STARD13: variants seen among roughly 807,000 people sequenced by gnomAD.
STARD13 encodes StAR related lipid transfer domain containing 13, also known as stAR-related lipid transfer protein 13.
Under a neutral mutation model 106.4 loss-of-function variants are expected in STARD13, and 62 were observed. The observed-to-expected ratio is 0.58, with a 90% CI of 0.48 to 0.72. STARD13 has a LOEUF of 0.72. STARD13 is among the 30% of genes least tolerant of loss of function. The probability of loss-of-function intolerance (pLI) is 0.00; values close to 1 mark genes in which losing one functional copy is unlikely to be tolerated. For synonymous variants in STARD13, 565 were observed against 553.0 expected (o/e 1.02, Z -0.31); for missense variants, 1,387 against 1,424.0 (o/e 0.97, Z 0.42).
the STARD13 span, among the ~76,000 whole-genome samples, chr13:33,412,589 A>G: frequency 9.8e-5 from 15 of 152,318 alleles, no homozygotes; most frequent in Non-Finnish European, 1.9e-4. Flanking sequence ...AGATACTTCA[A>G]ATATAACGAT....
the STARD13 span, among the ~76,000 whole-genome samples, chr13:33,609,081 G>C: frequency 2.3e-5 from 2 of 86,896 alleles, no homozygotes. Context: ...GCGAGACTCC[G>C]TCTCAAAAAA....
the STARD13 span, among the ~76,000 whole-genome samples, chr13:33,407,398 C>G: frequency 6.6e-6 from 1 of 152,174 alleles, no homozygotes; most frequent in East Asian, 1.9e-4. Flanking sequence ...GCTTCGGGTA[C>G]CACAAGGGTA....
chr13:33,173,992 A>C (rs963882062), intron 1 of STARD13, among the ~76,000 whole-genome samples: 2 of 152,200 alleles, frequency 1.3e-5, no homozygotes, highest in African/African-American at 2.4e-5. Context: ...TTCTACACAT[A>C]AGCCTTGTTT....
chr13:33,186,967 G>T (rs1885824425), intron 1 of STARD13, among the ~76,000 whole-genome samples: 1 of 152,174 alleles, frequency 6.6e-6, no homozygotes, highest in South Asian at 2.1e-4. Flanking sequence ...TTGTGTAGGA[G>T]AGTGGAGGAG....
exon 2 of STARD13, chr13:33,349,015 T>C (rs2078044060): frequency 3.1e-6 from 2 of 655,068 alleles, no homozygotes; most frequent in Admixed American, 2.1e-5. Context: ...GATGAGGATG[T>C]GGGTGCATGG....
chr13:33,573,916 A>C, the STARD13 span, among the ~76,000 whole-genome samples: 1 of 152,206 alleles, frequency 6.6e-6, no homozygotes, highest in Non-Finnish European at 1.5e-5. Context: ...AAAGTTTTAC[A>C]GGTATTTTTA....
the STARD13 span, among the ~76,000 whole-genome samples, chr13:33,506,968 G>T: frequency 6.6e-6 from 1 of 152,094 alleles, no homozygotes; most frequent in African/African-American, 2.4e-5. Context: ...AGGTGTGGTG[G>T]TATGTGCCTG....
At chr13:33,652,693 T>C in the STARD13 span, among the ~76,000 whole-genome samples, 1 of 152,282 alleles carries the variant, frequency 6.6e-6, no homozygotes, top group East Asian at 1.9e-4. Context: ...TTCAATGAAC[T>C]ACTTAGGAGA....
intron 13 of STARD13, 98 bp downstream of exon 13, chr13:33,106,660 C>T: frequency 8.6e-7 from 1 of 1,163,428 alleles, no homozygotes; most frequent in Non-Finnish European, 1.2e-6. Context: ...GAAACAAATA[C>T]AGTGAAATAA....
At chr13:33,615,078 A>C in the STARD13 span, among the ~76,000 whole-genome samples, 1 of 152,192 alleles carries the variant, frequency 6.6e-6, no homozygotes, top group African/African-American at 2.4e-5. Context: ...TTTAATCAAC[A>C]AGAGAATAGG....
intron 1 of STARD13, among the ~76,000 whole-genome samples, chr13:33,295,332 T>C (rs1293581354): frequency 6.6e-6 from 1 of 152,186 alleles, no homozygotes; most frequent in East Asian, 1.9e-4. Flanking sequence ...AGGTGTCATG[T>C]AGCTCTGAAG....
At chr13:33,479,164 G>A in the STARD13 span, among the ~76,000 whole-genome samples, 79 of 152,246 alleles carry the variant, frequency 5.2e-4, no homozygotes, top group African/African-American at 1.3e-3. Context: ...AGATAAATGC[G>A]TATTAAAACT....
At chr13:33,588,689 A>C in the STARD13 span, among the ~76,000 whole-genome samples, 2 of 152,192 alleles carry the variant, frequency 1.3e-5, no homozygotes, top group African/African-American at 4.8e-5. Context: ...GCACATCGCA[A>C]ATGTTATGTC....
the STARD13 span, among the ~76,000 whole-genome samples, chr13:33,617,881 C>G: frequency 2.0e-5 from 3 of 152,148 alleles, no homozygotes; most frequent in Non-Finnish European, 4.4e-5. Context: ...AATATGTTCT[C>G]TCAAGGAATT....
chr13:33,598,289 G>C, the STARD13 span, among the ~76,000 whole-genome samples: 1 of 152,022 alleles, frequency 6.6e-6, no homozygotes, highest in Non-Finnish European at 1.5e-5. Flanking sequence ...ATGTTCTCCA[G>C]GAACATTCAA....
intron 4 of STARD13, chr13:33,139,003 A>T: frequency 2.9e-6 from 1 of 340,774 alleles, no homozygotes; most frequent in South Asian, 2.3e-5. Flanking sequence ...ATCATCACCT[A>T]TTTGTGGACT....
chr13:33,338,392 A>G (rs1421222750), intron 1 of STARD13, among the ~76,000 whole-genome samples: 1 of 152,240 alleles, frequency 6.6e-6, no homozygotes. Context: ...CATTTAGGCC[A>G]AAAGCATGCA....
At chr13:33,505,836 T>C in the STARD13 span, among the ~76,000 whole-genome samples, 3 of 152,158 alleles carry the variant, frequency 2.0e-5, no homozygotes, top group Non-Finnish European at 2.9e-5. Flanking sequence ...ATGATATAGC[T>C]ATAGTTGTCA....
At chr13:33,371,932 A>G in the STARD13 span, among the ~76,000 whole-genome samples, 13 of 152,334 alleles carry the variant, frequency 8.5e-5, 1 homozygote, top group East Asian at 2.3e-3. Flanking sequence ...ACTTGAAAGA[A>G]TTGATTGCAT....
Sources: gnomAD v4.1 joint callset for allele counts (sites outside exome capture counted in the v4.1 genomes callset) on GRCh38, gnomAD v4.1.1 for gene constraint, MANE v1.5 for transcripts, NCBI Gene and HGNC (gene_info 2026-07-23, HGNC 2026-07-21) for gene names.